Variants in FAAP100 observed in about 807,000 individuals in gnomAD.
The protein encoded by FAAP100 is Fanconi anemia core complex-associated protein 100.
A neutral mutation model predicts 65.8 loss-of-function variants in FAAP100; 46 were observed. That is an observed-to-expected ratio of 0.70 (90% CI 0.55 to 0.89). The LOEUF (loss-of-function observed/expected upper bound fraction) is 0.89. Ranked by LOEUF, FAAP100 falls within the 40% of genes least tolerant of loss-of-function variation. FAAP100 has a pLI of 0.00. For synonymous variants in FAAP100, 663 were observed against 555.1 expected, an observed-to-expected ratio of 1.19 and a Z score of -2.73; for missense variants, 1,165 against 1,196.7, an observed-to-expected ratio of 0.97 and a Z score of 0.39.
At position 81,540,613 on chromosome 17, in the gene FAAP100, C is replaced by T. The variant is rs1037306093; in HGVS notation, c.*206G>A. The T allele has an allele frequency of 1.1e-5, 7 of 644,286 alleles. No homozygotes were observed. The highest frequency in any genetic ancestry group is 1.7e-5 in the Non-Finnish European group (7 of 421,622). The allele number at this position is 644,286 out of a possible 1,614,324, so 39.9% of individuals were successfully genotyped here. ...AAGCTGGACCGGCCAGGTTCAGAGC[C>T]CGCCTCGGTTGCTCCCAATCAGAAT... On this transcript the variant is annotated 3_prime_UTR_variant, in exon 9 of 9. Transcript: ENST00000327787.
chr17:81,545,926 G>A, intron 5 of FAAP100, 44 bp from the exon 6 acceptor site: 1 of 1,578,686 alleles, frequency 6.3e-7, no homozygotes, highest in Admixed American at 1.7e-5. Context: ...GATCCTACCA[G>A]GTGGGCTCAG....
In FAAP100 at chr17:81,551,853, G is replaced by T. The variant is rs569843121; in HGVS notation, c.290+75C>A. 24 of 1,435,794 alleles carry T rather than the reference G, an allele frequency of 1.7e-5. No homozygotes were observed. The African/African-American group carries it at 3.1e-4, about 19-fold the overall frequency. The allele number at this position is 1,435,794 out of a possible 1,614,324, so 88.9% of individuals were successfully genotyped here. A position where few individuals can be genotyped will look rare whatever the true frequency, so the allele number is the denominator to read the frequency against. ...CAGCCCGGGTCCCCAAGCGCGATGA[G>T]GTGGGGCTGCTCGCTCTGAAGCAGT... On this transcript the variant is annotated intron_variant, in intron 2 of 8. Coordinates refer to ENST00000327787, the MANE Select transcript of FAAP100 (RefSeq NM_025161.6).
At position 81,550,285 on chromosome 17, in the gene FAAP100, A is replaced by G. The variant is rs2033442161; in HGVS notation, c.1209T>C (p.Ser403=). 6.2e-7 allele frequency: 1 copy of G among 1,610,556 alleles called. No homozygotes were observed. The highest frequency in any genetic ancestry group is 1.1e-5 in the South Asian group (1 of 90,998). ...TGGGAGACGCGGACAGCGAGACGAC[A>G]CTGCAGATGTTCAGGCTGGCTGGGC... ...MLCPASLNIC[S]VVSLSASPRT... The change falls in exon 3 of 9, where the codon AGT becomes AGC. Residue 403 remains serine (S), a synonymous_variant. Transcript: ENST00000327787.
In FAAP100 at chr17:81,541,366, G is replaced by C; in HGVS notation, c.2457C>G (p.Gly819=). Reference sequence around the variant, plus strand: ...GCACACGGAGATCAGGAGCGCTGGAGCCCTGGGTGGCCTGCTCTGTCACCA... The same window carrying C: ...GCACACGGAGATCAGGAGCGCTGGACCCCTGGGTGGCCTGCTCTGTCACCA... ...QTMVTEQATQ[G]SSAPDLRVQY... Residue 819 remains glycine, a synonymous_variant, in exon 8 of 9, where the codon GGC becomes GGG. Transcript: ENST00000327787. 1 of 1,611,386 alleles carries C rather than the reference G, an allele frequency of 6.2e-7. No individual in the cohort carries two copies. Among genetic ancestry groups the C allele is most frequent in the Non-Finnish European group, 8.5e-7 (1 of 1,179,594 alleles).
rs1413655321 is a variant in FAAP100, at chr17:81,547,378, G to A, written c.1704C>T (p.Pro568=). Residue 568 remains proline, a synonymous_variant, in exon 5 of 9, where the codon CCC becomes CCT. Coordinates refer to ENST00000327787, the MANE Select transcript of FAAP100 (RefSeq NM_025161.6). Reference sequence around the variant, plus strand: ...GAGCACCGGGGCCGAGCTGGTCCACGGGGATGGTGTAGGTGATGGCGGAGC... The same window carrying A: ...GAGCACCGGGGCCGAGCTGGTCCACAGGGATGGTGTAGGTGATGGCGGAGC... The part of the protein sequence containing the change: ...SACSAITYTI[P]VDQLGPGARR... The A allele has an allele frequency of 2.5e-5, 40 of 1,612,746 alleles. No homozygotes were observed. The highest frequency in any genetic ancestry group is 4.5e-5 in the East Asian group (2 of 44,904).
intron 5 of FAAP100, 138 bp downstream of exon 5, chr17:81,546,771 T>C (rs1195336513): frequency 1.1e-6 from 1 of 943,888 alleles, no homozygotes; most frequent in East Asian, 3.0e-5. Flanking sequence ...AGGAGATCAA[T>C]TGAGGCCAGG....
At chr17:81,545,313 G>C (rs905343446) in intron 6 of FAAP100, among the ~76,000 whole-genome samples, 1 of 152,260 alleles carries the variant, frequency 6.6e-6, no homozygotes, top group Non-Finnish European at 1.5e-5. Flanking sequence ...CCACAGTCCT[G>C]AGTCTCTGGA....
rs2033028059 is a variant in FAAP100 at position 81,540,169 on chromosome 17, C to T, written c.*650G>A. On this transcript the variant is annotated 3_prime_UTR_variant, in exon 9 of 9. Coordinates refer to ENST00000327787, the MANE Select transcript of FAAP100 (RefSeq NM_025161.6). ...TGGAGGCACCTAGTTGTTGAGCATT[C>T]CGGCCACAGGCCACCCGCTGGCCCT... 2.5e-6 allele frequency: 1 copy of T among 399,030 alleles called. No homozygotes were observed. The highest frequency in any genetic ancestry group is 4.4e-5 in the Admixed American group (1 of 22,750). The allele number at this position is 399,030 out of a possible 1,614,324, so 24.7% of individuals were successfully genotyped here.
rs1331558098 is a variant in FAAP100, at chr17:81,551,111, G to C, written c.383C>G (p.Ala128Gly). The C allele has an allele frequency of 5.1e-6, 8 of 1,555,496 alleles. No homozygotes were observed. The highest frequency in any genetic ancestry group is 1.2e-5 in the South Asian group (1 of 84,734). ...VDPDACILPD[A>G]ALCAFTLLDS... is the part of the protein sequence containing the mutation. Reference sequence around the variant, plus strand: ...CAGCAAGGTGAACGCGCACAGCGCAGCATCGGGAAGGATGCAGGCATCGGG... The same window carrying C: ...CAGCAAGGTGAACGCGCACAGCGCACCATCGGGAAGGATGCAGGCATCGGG... The change falls in exon 3 of 9, where the codon GCT becomes GGT. Residue 128 changes from alanine to glycine, a missense_variant. Physicochemically the swap from Ala to Gly is moderately conservative, Grantham distance 60. Transcript: ENST00000327787.
Position 81,552,263 on chromosome 17 carries a change from G to C in FAAP100, c.68C>G (p.Ala23Gly). Residue 23 changes from alanine to glycine, a missense_variant, in exon 1 of 9, where the codon GCG becomes GGG. Physicochemically the swap from Ala to Gly is moderately conservative, Grantham distance 60. Coordinates refer to ENST00000327787, the MANE Select transcript of FAAP100 (RefSeq NM_025161.6). ...ATGGCACAGCACGCGGGGCTTGCCC[G>C]CCGCCAGGCCCCCGAGAGGGCAGCA... ...GFCCPLGGLAAGKPRVLCHEA... is the reference protein window; with the variant it reads ...GFCCPLGGLAGGKPRVLCHEA... 1 of 1,479,056 alleles carries C rather than the reference G, an allele frequency of 6.8e-7. No individual in the cohort carries two copies. Among genetic ancestry groups the C allele is most frequent in the South Asian group, 1.3e-5 (1 of 78,176 alleles). 91.6% of individuals were successfully genotyped at this position (1,479,056 alleles called of 1,614,324 possible).
Position 81,550,585 on chromosome 17 carries a change from A to C in FAAP100, c.909T>G (p.Pro303=). The part of the protein sequence containing the change: ...QAAEAAENFL[P]DEDVHCDCLV... ...GGCAGTCACAGTGCACATCCTCGTC[A>C]GGCAGAAAATTCTCTGCAGCTTCTG... Residue 303 remains proline (P), a synonymous_variant, in exon 3 of 9, where the codon CCT becomes CCG. Coordinates refer to ENST00000327787, the MANE Select transcript of FAAP100 (RefSeq NM_025161.6). 1 of 1,612,932 alleles carries C rather than the reference A, an allele frequency of 6.2e-7. No homozygotes were observed. Among genetic ancestry groups the C allele is most frequent in the Non-Finnish European group, 8.5e-7 (1 of 1,180,022 alleles).
intron 6 of FAAP100, 72 bp downstream of exon 6, chr17:81,545,674 C>A: frequency 6.5e-7 from 1 of 1,527,938 alleles, no homozygotes; most frequent in Non-Finnish European, 8.8e-7. Flanking sequence ...GGGGTCCTCC[C>A]GAGCTCCGGC....
Position 81,545,751 on chromosome 17 carries a change from G to A in FAAP100, c.2305C>T (p.Arg769Ter), listed in dbSNP as rs761874463. ...PDGANVHLIV[R>*]EVAMTDLCPA... The stretch of plus-strand genomic sequence containing the variant: ...TTCCCTGAACCCCTGCTTGCCTCTC[G>A]GACGATGAGGTGAACGTTGGCGCCA... Residue 769 changes from arginine (R) to a stop codon, truncating the protein, a stop_gained, in exon 6 of 9, where the codon CGA (arginine) becomes TGA (stop). Coordinates refer to ENST00000327787, the MANE Select transcript of FAAP100 (RefSeq NM_025161.6). LOFTEE classifies it high-confidence loss of function. The A allele has an allele frequency of 3.1e-6, 5 of 1,610,892 alleles. No homozygotes were observed. The highest frequency in any genetic ancestry group is 3.3e-5 in the Admixed American group (2 of 59,848).
intron 8 of FAAP100, 152 bp downstream of exon 8, chr17:81,541,157 C>T: frequency 9.2e-7 from 1 of 1,081,944 alleles, no homozygotes; most frequent in South Asian, 1.5e-5. Flanking sequence ...GCAGGAAGAG[C>T]CATGGCCGCT....
At chr17:81,544,750 C>T (rs1413014067) in intron 6 of FAAP100, among the ~76,000 whole-genome samples, 1 of 152,262 alleles carries the variant, frequency 6.6e-6, no homozygotes, top group Admixed American at 6.5e-5. Flanking sequence ...GACACAGTCA[C>T]CTGCGGCTCT....
At chr17:81,542,747 A>G (rs899580041) in intron 7 of FAAP100, among the ~76,000 whole-genome samples, 1 of 152,180 alleles carries the variant, frequency 6.6e-6, no homozygotes, top group Non-Finnish European at 1.5e-5. Flanking sequence ...TCTGCAGATG[A>G]TCAAGATGAG....
rs926482767 is a variant in FAAP100 at position 81,540,678 on chromosome 17, G to A, written c.*141C>T. 2.3e-5 allele frequency: 26 copies of A among 1,143,812 alleles called. No individual in the cohort carries two copies. Among genetic ancestry groups the A allele is most frequent in the African/African-American group, 2.0e-4 (13 of 63,642 alleles). The allele number at this position is 1,143,812 out of a possible 1,614,324, so 70.9% of individuals were successfully genotyped here. On this transcript the variant is annotated 3_prime_UTR_variant, in exon 9 of 9. Transcript: ENST00000327787. ...ACGGCCTCCAAGCACTTTCATGAGC[G>A]TTCTGCTCCTACGTGGCCAGGTCCT...
At chr17:81,548,956 C>T (rs540508179) in intron 4 of FAAP100, among the ~76,000 whole-genome samples, 3 of 145,674 alleles carry the variant, frequency 2.1e-5, no homozygotes, top group South Asian at 2.1e-4. Context: ...AGAAGAATGG[C>T]GTGAACCCGG....
chr17:81,551,126 C>A lies in FAAP100; in HGVS notation c.368G>T (p.Cys123Phe). Residue 123 changes from cysteine to phenylalanine, a missense_variant, in exon 3 of 9, where the codon TGC becomes TTC. Transcript: ENST00000327787. The part of the protein sequence containing the change: ...SPVIPVDPDA[C>F]ILPDAALCAF... Reference sequence around the variant, plus strand: ...GCACAGCGCAGCATCGGGAAGGATGCAGGCATCGGGGTCCACAGGGATCAC... The same window carrying A: ...GCACAGCGCAGCATCGGGAAGGATGAAGGCATCGGGGTCCACAGGGATCAC... 1 of 1,551,464 alleles carries A rather than the reference C, an allele frequency of 6.4e-7. No individual in the cohort carries two copies. The highest frequency in any genetic ancestry group is 8.7e-7 in the Non-Finnish European group (1 of 1,147,322).
Sources: gnomAD v4.1 joint callset for allele counts (sites outside exome capture counted in the v4.1 genomes callset) on GRCh38, gnomAD v4.1.1 for gene constraint, MANE v1.5 for transcripts, NCBI Gene and HGNC (gene_info 2026-07-23, HGNC 2026-07-21) for gene names.